Variants in STPG2 observed in about 807,000 individuals in gnomAD.
The protein encoded by STPG2 is sperm tail PG-rich repeat containing 2, also known as sperm-tail PG-rich repeat-containing protein 2.
STPG2 carries 56 observed loss-of-function variants against 54.2 expected under a neutral mutation model. The ratio of observed to expected loss-of-function variants is 1.03; its 90% CI spans 0.83 to 1.29. The LOEUF is 1.29. Ranked by LOEUF, STPG2 falls within the 50% of genes most tolerant of loss-of-function variation. The pLI, the probability that STPG2 is intolerant of heterozygous loss-of-function variation, is 0.00. For synonymous variants in STPG2, 200 were observed against 181.8 expected, an observed-to-expected ratio of 1.10 and a Z score of -0.81; for missense variants, 596 against 544.9, an observed-to-expected ratio of 1.09 and a Z score of -0.93.
intron 4 of STPG2, among the ~76,000 whole-genome samples, chr4:97,540,186 G>A (rs1253031313): frequency 6.6e-6 from 1 of 152,088 alleles, no homozygotes; most frequent in African/African-American, 2.4e-5. Context: ...GAATCCAGGA[G>A]GTGGTTTTTT....
intron 9 of STPG2, among the ~76,000 whole-genome samples, chr4:97,828,219 G>A (rs1437661163): frequency 6.6e-6 from 1 of 152,124 alleles, no homozygotes; most frequent in African/African-American, 2.4e-5. Flanking sequence ...GGTGGACAGT[G>A]GGTGCAGCCC....
downstream of STPG2, among the ~76,000 whole-genome samples, chr4:97,556,679 T>G (rs751645576): frequency 5.9e-5 from 9 of 152,130 alleles, no homozygotes; most frequent in Non-Finnish European, 1.2e-4. Flanking sequence ...TAAAATAGAA[T>G]GATAAAACAT....
chr4:97,960,694 T>C (rs763371370), intron 7 of STPG2, among the ~76,000 whole-genome samples: 1 of 151,972 alleles, frequency 6.6e-6, no homozygotes. Context: ...AAAGAAATCA[T>C]AGACCACAAA....
chr4:97,502,366 T>C (rs1730743980), intron 4 of STPG2, among the ~76,000 whole-genome samples: 2 of 152,038 alleles, frequency 1.3e-5, no homozygotes. Context: ...TTAAATTTCA[T>C]CACAGCAACA....
At chr4:98,135,903 T>A (rs1027957411) in intron 1 of STPG2, among the ~76,000 whole-genome samples, 1 of 151,608 alleles carries the variant, frequency 6.6e-6, no homozygotes, top group Non-Finnish European at 1.5e-5. Context: ...CATATATAAA[T>A]ACACACACAT....
intron 9 of STPG2, among the ~76,000 whole-genome samples, chr4:97,742,140 C>G (rs1725262778): frequency 6.6e-6 from 1 of 151,878 alleles, no homozygotes; most frequent in African/African-American, 2.4e-5. Flanking sequence ...CGCATATTCT[C>G]ACTCATAGGT....
intron 9 of STPG2, among the ~76,000 whole-genome samples, chr4:97,796,694 A>C (rs1727195135): frequency 6.6e-6 from 1 of 152,098 alleles, no homozygotes. Context: ...GCTTTTTCTT[A>C]GTTCCATATA....
At chr4:97,753,501 T>C (rs1038817968) in intron 9 of STPG2, among the ~76,000 whole-genome samples, 2 of 152,050 alleles carry the variant, frequency 1.3e-5, no homozygotes, top group Admixed American at 6.6e-5. Flanking sequence ...ACTTAAATTG[T>C]TTTCATCTTT....
intron 4 of STPG2, among the ~76,000 whole-genome samples, chr4:97,447,071 G>A (rs1729241162): frequency 6.6e-6 from 1 of 152,200 alleles, no homozygotes; most frequent in African/African-American, 2.4e-5. Context: ...TGATAGTGAT[G>A]TGGACAATGA....
intron 10 of STPG2, among the ~76,000 whole-genome samples, chr4:97,630,938 T>C (rs1721255474): frequency 6.6e-6 from 1 of 151,856 alleles, no homozygotes. Context: ...TATAAAGCAA[T>C]GAATGCAGAA....
intron 9 of STPG2, among the ~76,000 whole-genome samples, chr4:97,801,717 T>C (rs1327178500): frequency 3.3e-5 from 5 of 152,146 alleles, no homozygotes; most frequent in Non-Finnish European, 7.4e-5. Flanking sequence ...AGTATGGGGA[T>C]TGTCTCACAT....
chr4:97,494,962 A>C (rs776156246), intron 4 of STPG2, among the ~76,000 whole-genome samples: 12 of 151,578 alleles, frequency 7.9e-5, no homozygotes, highest in Non-Finnish European at 1.8e-4. Flanking sequence ...ATAAAAGAAA[A>C]AAGAAAAAAT....
At chr4:98,138,887 A>G (rs1740204198) in intron 1 of STPG2, among the ~76,000 whole-genome samples, 1 of 152,174 alleles carries the variant, frequency 6.6e-6, no homozygotes, top group African/African-American at 2.4e-5. Context: ...AATAGATATA[A>G]CTGATATACA....
chr4:98,057,781 A>C (rs1351017925), intron 5 of STPG2, among the ~76,000 whole-genome samples: 15 of 152,312 alleles, frequency 9.8e-5, no homozygotes, highest in Non-Finnish European at 5.9e-5. Flanking sequence ...AAATAAAAGA[A>C]AGAATGTTAA....
At chr4:97,778,878 A>T (rs1473896726) in intron 9 of STPG2, among the ~76,000 whole-genome samples, 1 of 152,188 alleles carries the variant, frequency 6.6e-6, no homozygotes, top group African/African-American at 2.4e-5. Context: ...GTCCTGTCTG[A>T]TAGAAGGAAA....
chr4:97,829,727 T>C (rs936253632), intron 9 of STPG2, among the ~76,000 whole-genome samples: 1 of 152,000 alleles, frequency 6.6e-6, no homozygotes, highest in African/African-American at 2.4e-5. Context: ...TCATGAAGCA[T>C]ATACAAGTAT....
At chr4:97,602,465 G>C (rs748415499) in intron 10 of STPG2, among the ~76,000 whole-genome samples, 1 of 151,634 alleles carries the variant, frequency 6.6e-6, no homozygotes, top group Non-Finnish European at 1.5e-5. Context: ...TTGTTAAGTA[G>C]AAGTAAAAAT....
At chr4:97,782,256 G>C (rs1015611333) in intron 9 of STPG2, among the ~76,000 whole-genome samples, 1 of 152,102 alleles carries the variant, frequency 6.6e-6, no homozygotes, top group South Asian at 2.1e-4. Context: ...AAATCAATGT[G>C]CAAAAATCAC....
chr4:97,741,012 GAGATAT>G (rs1346749025), intron 9 of STPG2, among the ~76,000 whole-genome samples: 1 of 152,020 alleles, frequency 6.6e-6, no homozygotes, highest in Non-Finnish European at 1.5e-5. Context: ...GTACCAAACA[GAGATAT>G]AGATCAATGG....
Sources: allele counts gnomAD v4.1 joint callset (sites outside exome capture counted in the v4.1 genomes callset), GRCh38; gene constraint gnomAD v4.1.1; transcripts MANE v1.5; gene names NCBI Gene and HGNC (gene_info 2026-07-23, HGNC 2026-07-21).